PDE7B: variants seen among roughly 807,000 people sequenced by gnomAD.
PDE7B encodes phosphodiesterase 7B, also known as 3',5'-cyclic-AMP phosphodiesterase 7B.
In PDE7B, 29 loss-of-function variants were observed where a neutral mutation model predicts 56.2. That is an observed-to-expected ratio of 0.52 (90% CI 0.38 to 0.70). The LOEUF is 0.70. Ranked by LOEUF, PDE7B falls within the 30% of genes least tolerant of loss-of-function variation. The probability of loss-of-function intolerance (pLI) is 0.00; values close to 1 mark genes in which losing one functional copy is unlikely to be tolerated. For synonymous variants in PDE7B, 197 were observed against 196.9 expected (o/e 1.00, Z 0.00); for missense variants, 490 against 565.0 (o/e 0.87, Z 1.35).
At chr6:135,926,372 C>A (rs918473894) in intron 1 of PDE7B, among the ~76,000 whole-genome samples, 4 of 152,092 alleles carry the variant, frequency 2.6e-5, no homozygotes, top group African/African-American at 4.8e-5. Context: ...CAGGCGTGAG[C>A]CACCATGCCC....
At chr6:136,171,456 C>T (rs887475802) in intron 8 of PDE7B, among the ~76,000 whole-genome samples, 2 of 152,130 alleles carry the variant, frequency 1.3e-5, no homozygotes, top group Non-Finnish European at 2.9e-5. Flanking sequence ...AATGTGTCAC[C>T]AGCTACCCTG....
chr6:135,868,725 G>A (rs1334915589), intron 1 of PDE7B, among the ~76,000 whole-genome samples: 1 of 152,184 alleles, frequency 6.6e-6, no homozygotes, highest in Non-Finnish European at 1.5e-5. Flanking sequence ...GAGCCACCGC[G>A]CCCAGCCTTG....
chr6:136,123,961 C>A (rs748724905), intron 3 of PDE7B, among the ~76,000 whole-genome samples: 1 of 152,164 alleles, frequency 6.6e-6, no homozygotes, highest in Non-Finnish European at 1.5e-5. Context: ...GAAACACCCA[C>A]TCTCTAGAAA....
intron 3 of PDE7B, among the ~76,000 whole-genome samples, chr6:136,124,078 A>G (rs1777981663): frequency 6.6e-6 from 1 of 152,152 alleles, no homozygotes; most frequent in African/African-American, 2.4e-5. Flanking sequence ...TGAGTTTTTA[A>G]GTGTCTTAAG....
intron 1 of PDE7B, among the ~76,000 whole-genome samples, chr6:135,893,722 G>A (rs1775849919): frequency 6.6e-6 from 1 of 152,080 alleles, no homozygotes; most frequent in Admixed American, 6.6e-5. Flanking sequence ...TAATCATCCT[G>A]TGTCTCCTGC....
intron 12 of PDE7B, among the ~76,000 whole-genome samples, chr6:136,190,853 G>A (rs1025379742): frequency 6.6e-6 from 1 of 151,978 alleles, no homozygotes; most frequent in Admixed American, 6.6e-5. Context: ...TAACATAACT[G>A]AAAGCAAGAC....
intron 2 of PDE7B, among the ~76,000 whole-genome samples, chr6:136,069,944 T>C (rs766677549): frequency 6.6e-6 from 1 of 152,074 alleles, no homozygotes; most frequent in Non-Finnish European, 1.5e-5. Flanking sequence ...CAAACAGAAA[T>C]CTGAATTCAA....
intron 2 of PDE7B, among the ~76,000 whole-genome samples, chr6:135,986,334 TG>T (rs1754866223): frequency 6.6e-6 from 1 of 152,224 alleles, no homozygotes; most frequent in South Asian, 2.1e-4. Context: ...ATGCTCTTTC[TG>T]TACATTGCAA....
chr6:135,999,850 T>A (rs1418040017), intron 2 of PDE7B, among the ~76,000 whole-genome samples: 2 of 152,200 alleles, frequency 1.3e-5, no homozygotes, highest in East Asian at 3.8e-4. Context: ...GTGCTTTCCA[T>A]AAAGGCTGAA....
chr6:136,075,075 T>C lies in PDE7B; in HGVS notation c.83-33656T>C, dbSNP rs1344042541. Among the ~76,000 whole-genome samples, 5 of 152,352 alleles carry C rather than the reference T, an allele frequency of 3.3e-5. 1 individual carries two copies. In the East Asian group the frequency reaches 9.6e-4, roughly 29 times the overall value. ...TTCTGAAACAAATTCACAAAATTAA[T>C]CAAGATTTTTGTTAATGAATAAAGT... On this transcript the variant is annotated intron_variant, in intron 2 of 12. Transcript: ENST00000308191.
chr6:136,163,900 G>T (rs960691555), intron 8 of PDE7B, among the ~76,000 whole-genome samples: 1 of 152,162 alleles, frequency 6.6e-6, no homozygotes, highest in Non-Finnish European at 1.5e-5. Flanking sequence ...ATCACTATCA[G>T]CATTTTGGGC....
At chr6:136,010,386 C>CTTCTT (rs1554273643) in intron 2 of PDE7B, among the ~76,000 whole-genome samples, 2 of 137,748 alleles carry the variant, frequency 1.5e-5, no homozygotes, top group African/African-American at 2.9e-5. Flanking sequence ...CCATTATTCC[C>CTTCTT]TTCTTTTTTT....
At chr6:135,919,409 C>T (rs4142308) in intron 1 of PDE7B, among the ~76,000 whole-genome samples, 59,838 of 152,044 alleles carry the variant, frequency 0.39, 13,818 homozygotes, top group African/African-American at 0.65. Flanking sequence ...AAAGAAATAT[C>T]TAAGATACTG....
chr6:136,120,935 A>G (rs547467810), intron 3 of PDE7B, among the ~76,000 whole-genome samples: 23 of 152,220 alleles, frequency 1.5e-4, no homozygotes, highest in African/African-American at 5.3e-4. Context: ...ACCCTCCCCT[A>G]CATGTCCACA....
chr6:136,073,098 GAAT>G (rs1777075557), intron 2 of PDE7B, among the ~76,000 whole-genome samples: 1 of 152,156 alleles, frequency 6.6e-6, no homozygotes, highest in Non-Finnish European at 1.5e-5. Flanking sequence ...AGCATTGATG[GAAT>G]ATCTGAGATG....
chr6:135,884,504 G>A (rs533186312), intron 1 of PDE7B, among the ~76,000 whole-genome samples: 1 of 152,006 alleles, frequency 6.6e-6, no homozygotes, highest in African/African-American at 2.4e-5. Flanking sequence ...ATGGCTTTTT[G>A]ACTTCATGTC....
chr6:136,100,160 C>T (rs140452887), intron 2 of PDE7B, among the ~76,000 whole-genome samples: 5,681 of 152,056 alleles, frequency 0.037, 336 homozygotes, highest in African/African-American at 0.12. Flanking sequence ...AGTACCATGC[C>T]GTTTTGGTTA....
intron 1 of PDE7B, among the ~76,000 whole-genome samples, chr6:135,914,534 C>T (rs1437372200): frequency 4.9e-5 from 1 of 20,554 alleles, no homozygotes. Context: ...CGCTCTGTCG[C>T]CCAGGCTGGA....
chr6:136,146,884 C>G (rs373522217), intron 3 of PDE7B, among the ~76,000 whole-genome samples: 1 of 152,104 alleles, frequency 6.6e-6, no homozygotes, highest in African/African-American at 2.4e-5. Context: ...ATAAGAAATA[C>G]TAGTTAGGCC....
Sources: allele counts gnomAD v4.1 joint callset (sites outside exome capture counted in the v4.1 genomes callset), GRCh38; gene constraint gnomAD v4.1.1; transcripts MANE v1.5; gene names NCBI Gene and HGNC (gene_info 2026-07-23, HGNC 2026-07-21).